UBE2G2: variants seen among roughly 807,000 people sequenced by gnomAD.
The protein encoded by UBE2G2 is ubiquitin conjugating enzyme E2 G2.
A neutral mutation model predicts 23.0 loss-of-function variants in UBE2G2; 10 were observed. That is an observed-to-expected ratio of 0.43 (90% CI 0.27 to 0.74). The LOEUF is 0.74. Among genes scored for constraint, UBE2G2 ranks in the 30% least tolerant of loss-of-function variants. The pLI, the probability that UBE2G2 is intolerant of heterozygous loss-of-function variation, is 0.19. For synonymous variants in UBE2G2, 86 were observed against 81.3 expected, an observed-to-expected ratio of 1.06 and a Z score of -0.31; for missense variants, 150 against 218.3, an observed-to-expected ratio of 0.69 and a Z score of 1.97.
intron 1 of UBE2G2, among the ~76,000 whole-genome samples, chr21:44,790,736 T>C (rs1248374022): frequency 6.6e-6 from 1 of 152,204 alleles, no homozygotes; most frequent in Non-Finnish European, 1.5e-5. Context: ...CCTCTTTCCT[T>C]TATAAATTAT....
intron 4 of UBE2G2, chr21:44,774,710 T>C (rs1050328208): frequency 4.4e-6 from 2 of 456,430 alleles, no homozygotes; most frequent in South Asian, 1.6e-5. Context: ...AGAAACTAGA[T>C]GCATACTTGC....
intron 1 of UBE2G2, among the ~76,000 whole-genome samples, chr21:44,796,569 A>C (rs1279499743): frequency 6.6e-6 from 1 of 152,232 alleles, no homozygotes; most frequent in Non-Finnish European, 1.5e-5. Context: ...ATTTTATCAC[A>C]TTATTAAGAT....
intron 1 of UBE2G2, among the ~76,000 whole-genome samples, chr21:44,792,152 A>G (rs2083050867): frequency 6.6e-6 from 1 of 152,236 alleles, no homozygotes; most frequent in South Asian, 2.1e-4. Context: ...GCTGCTAGGC[A>G]GAGGGGACTT....
intron 1 of UBE2G2, 82 bp downstream of exon 1, chr21:44,801,624 C>T: frequency 6.9e-7 from 1 of 1,451,800 alleles, no homozygotes; most frequent in Non-Finnish European, 9.1e-7. Flanking sequence ...CCGCCAGGCT[C>T]CCTGCCCCAG....
At chr21:44,792,369 A>G (rs1403021014) in intron 1 of UBE2G2, among the ~76,000 whole-genome samples, 9 of 152,172 alleles carry the variant, frequency 5.9e-5, no homozygotes, top group Non-Finnish European at 1.3e-4. Context: ...TGTAATCCCC[A>G]AAGTGTTGAG....
intron 3 of UBE2G2, among the ~76,000 whole-genome samples, 155 bp downstream of exon 3, chr21:44,787,764 CT>C (rs1555962308): frequency 4.6e-5 from 7 of 152,218 alleles, no homozygotes; most frequent in Non-Finnish European, 1.0e-4. Flanking sequence ...AGGTTCTCTG[CT>C]TTCAGACCAG....
At chr21:44,783,338 A>C (rs1389988565) in intron 3 of UBE2G2, among the ~76,000 whole-genome samples, 1 of 152,254 alleles carries the variant, frequency 6.6e-6, no homozygotes, top group East Asian at 1.9e-4. Context: ...GAGCTACTCT[A>C]GGAAGATAGT....
intron 1 of UBE2G2, among the ~76,000 whole-genome samples, chr21:44,793,910 C>A (rs971904975): frequency 3.9e-5 from 6 of 152,040 alleles, no homozygotes. Context: ...AACAGAGGAC[C>A]AGTCAAATTA....
chr21:44,793,237 G>C (rs1399488615), intron 1 of UBE2G2, among the ~76,000 whole-genome samples: 1 of 152,256 alleles, frequency 6.6e-6, no homozygotes, highest in Non-Finnish European at 1.5e-5. Context: ...CAACTAAGTA[G>C]AGGCCTGGCA....
intron 4 of UBE2G2, 137 bp from the exon 5 acceptor site, chr21:44,773,824 C>G: frequency 1.6e-6 from 2 of 1,223,638 alleles, no homozygotes; most frequent in Non-Finnish European, 2.2e-6. Context: ...GGGGCATAGC[C>G]TGGGGCCCTG....
chr21:44,790,726 CCT>C (rs2083036700), intron 1 of UBE2G2, among the ~76,000 whole-genome samples: 1 of 152,214 alleles, frequency 6.6e-6, no homozygotes, highest in Non-Finnish European at 1.5e-5. Context: ...GTCAATTAAA[CCT>C]CTTTCCTTTA....
chr21:44,788,188 A>C, intron 1 of UBE2G2, 93 bp from the exon 2 acceptor site: 2 of 1,251,890 alleles, frequency 1.6e-6, no homozygotes, highest in South Asian at 3.1e-5. Context: ...TAAGCCTATA[A>C]ACCATAGAAT....
At chr21:44,797,543 C>T (rs1433301042) in intron 1 of UBE2G2, among the ~76,000 whole-genome samples, 3 of 151,892 alleles carry the variant, frequency 2.0e-5, no homozygotes, top group East Asian at 1.9e-4. Context: ...GGTGAAACCC[C>T]GTCTCTACTA....
intron 3 of UBE2G2, among the ~76,000 whole-genome samples, chr21:44,779,518 C>T (rs559270709): frequency 6.6e-6 from 1 of 151,568 alleles, no homozygotes; most frequent in South Asian, 2.1e-4. Flanking sequence ...CCCCCCCCGG[C>T]CCACACTGGC....
intron 3 of UBE2G2, chr21:44,779,339 G>A (rs537673995): frequency 8.3e-5 from 15 of 180,534 alleles, no homozygotes; most frequent in Non-Finnish European, 1.5e-4. Flanking sequence ...AGAAGATAGC[G>A]AATATGGCCA....
intron 1 of UBE2G2, among the ~76,000 whole-genome samples, chr21:44,791,774 C>T (rs938222988): frequency 1.3e-5 from 2 of 152,170 alleles, no homozygotes; most frequent in Non-Finnish European, 2.9e-5. Context: ...GACCCCAGAA[C>T]GGTAGATCCA....
At chr21:44,789,455 C>CT (rs1183411277) in intron 1 of UBE2G2, among the ~76,000 whole-genome samples, 3 of 150,972 alleles carry the variant, frequency 2.0e-5, no homozygotes, top group Non-Finnish European at 4.4e-5. Context: ...CCTTACAGAG[C>CT]TATGGAAATT....
chr21:44,786,903 C>T lies in UBE2G2; in HGVS notation c.125+1017G>A, dbSNP rs1055510837. Reference sequence around the variant, plus strand: ...GGTCAGAAGTTCGAGACCAGCCTGGCCAACATGGGGAAACCCTGTCTCTAC... The same window carrying T: ...GGTCAGAAGTTCGAGACCAGCCTGGTCAACATGGGGAAACCCTGTCTCTAC... On this transcript the variant is annotated intron_variant, in intron 3 of 5. Transcript: ENST00000345496. Among the ~76,000 whole-genome samples the T allele has an allele frequency of 3.3e-5, 5 of 152,248 alleles. No homozygotes were observed. The East Asian group carries it at 9.6e-4, about 29-fold the overall frequency.
Position 44,771,049 on chromosome 21 carries a change from C to T in UBE2G2, c.*328G>A, listed in dbSNP as rs782028859. ...AGTCTGGCAGGTACAACCCCCTCAACACTCCAGGGAGGGAGGGAATCCACA... is the reference window on the plus strand; with the variant it reads ...AGTCTGGCAGGTACAACCCCCTCAATACTCCAGGGAGGGAGGGAATCCACA... On this transcript the variant is annotated 3_prime_UTR_variant, in exon 6 of 6. Coordinates refer to ENST00000345496, the MANE Select transcript of UBE2G2 (RefSeq NM_003343.6). The surrounding 1 kb of genome is among the most constrained non-coding windows in gnomAD (Gnocchi z 4.6). 8.6e-5 allele frequency: 21 copies of T among 244,410 alleles called. No individual in the cohort carries two copies. Among genetic ancestry groups the T allele is most frequent in the Non-Finnish European group, 1.6e-4 (20 of 124,918 alleles). The allele number at this position is 244,410 out of a possible 1,614,324, so 15.1% of individuals were successfully genotyped here. A position where few individuals can be genotyped will look rare whatever the true frequency, so the allele number is the denominator to read the frequency against.
Sources: gnomAD v4.1 joint callset for allele counts (sites outside exome capture counted in the v4.1 genomes callset) on GRCh38, gnomAD v4.1.1 for gene constraint, Gnocchi (gnomAD v3.1) non-coding constraint, MANE v1.5 for transcripts, NCBI Gene and HGNC (gene_info 2026-07-23, HGNC 2026-07-21) for gene names.